Variants in SVOP observed in about 807,000 individuals in gnomAD.
SVOP encodes the protein synaptic vesicle 2-related protein.
A neutral mutation model predicts 69.1 loss-of-function variants in SVOP; 17 were observed. The observed-to-expected ratio is 0.25, with a 90% confidence interval of 0.17 to 0.37. SVOP has a LOEUF of 0.37. Ranked by LOEUF, SVOP falls within the 10% of genes least tolerant of loss-of-function variation. The pLI is 1.00. For missense variants in SVOP, 435 were observed against 597.5 expected (o/e 0.73, Z 2.84); for synonymous variants, 238 against 238.6 (o/e 1.00, Z 0.02).
intron 12 of SVOP, among the ~76,000 whole-genome samples, chr12:108,920,424 C>T (rs1171003680): frequency 6.6e-6 from 1 of 152,070 alleles, no homozygotes; most frequent in Non-Finnish European, 1.5e-5. Context: ...CCTCATTTTC[C>T]CTTTAACTTG....
At chr12:109,008,332 A>G (rs2040321066) in intron 1 of SVOP, among the ~76,000 whole-genome samples, 1 of 152,226 alleles carries the variant, frequency 6.6e-6, no homozygotes, top group Admixed American at 6.5e-5. Context: ...TGGCAGCCAC[A>G]GAAGTCTGAA....
chr12:108,915,283 C>A (rs895425769), intron 15 of SVOP, among the ~76,000 whole-genome samples: 13 of 152,054 alleles, frequency 8.5e-5, no homozygotes, highest in African/African-American at 3.1e-4. Flanking sequence ...ATGACCCCAT[C>A]CCCAGGTAGT....
In SVOP at chr12:108,922,817, A is replaced by T. The variant is rs751570905; in HGVS notation, c.1049-20T>A. The T allele has an allele frequency of 6.5e-7, 1 of 1,531,566 alleles. No homozygotes were observed. Among genetic ancestry groups the T allele is most frequent in the Non-Finnish European group, 8.9e-7 (1 of 1,118,406 alleles). 94.9% of individuals were successfully genotyped at this position (1,531,566 alleles called of 1,614,324 possible). A position where few individuals can be genotyped will look rare whatever the true frequency, so the allele number is the denominator to read the frequency against. On this transcript the variant is annotated intron_variant, in intron 11 of 15. Transcript: ENST00000610966. Reference sequence around the variant, plus strand: ...TGGAGACTGGGGTTGGGAGAGAGAAAGAGAGGGGGAGACATATACAGAGTC... The same window carrying T: ...TGGAGACTGGGGTTGGGAGAGAGAATGAGAGGGGGAGACATATACAGAGTC...
intron 10 of SVOP, among the ~76,000 whole-genome samples, chr12:108,935,245 A>G (rs1450635372): frequency 1.3e-5 from 2 of 152,212 alleles, no homozygotes; most frequent in African/African-American, 2.4e-5. Context: ...TTCCTGGCTG[A>G]CCCAGAAATT....
intron 5 of SVOP, among the ~76,000 whole-genome samples, chr12:108,968,990 C>T (rs760056349): frequency 4.6e-5 from 7 of 152,052 alleles, no homozygotes; most frequent in African/African-American, 7.2e-5. Flanking sequence ...GATGGGGTTT[C>T]GCCATGTTGC....
At chr12:109,007,203 C>T (rs2040313803) in intron 1 of SVOP, among the ~76,000 whole-genome samples, 1 of 152,178 alleles carries the variant, frequency 6.6e-6, no homozygotes, top group Non-Finnish European at 1.5e-5. Flanking sequence ...AGCTTTGTCC[C>T]AGATACCCTG....
intron 1 of SVOP, among the ~76,000 whole-genome samples, chr12:109,016,810 A>G (rs2040370058): frequency 6.7e-6 from 1 of 149,046 alleles, no homozygotes; most frequent in Non-Finnish European, 1.5e-5. Context: ...TGTCATGATC[A>G]TGGCTCATTG....
intron 1 of SVOP, among the ~76,000 whole-genome samples, chr12:109,016,773 C>A (rs2040369921): frequency 6.8e-6 from 1 of 147,452 alleles, no homozygotes; most frequent in African/African-American, 2.5e-5. Flanking sequence ...GACAGGATCT[C>A]ACTCTGTCAC....
intron 12 of SVOP, among the ~76,000 whole-genome samples, chr12:108,922,239 T>A (rs1442168092): frequency 6.6e-6 from 1 of 152,196 alleles, no homozygotes; most frequent in Non-Finnish European, 1.5e-5. Context: ...AAAGATGATG[T>A]CTCCCTTAGG....
chr12:108,912,793 A>T, intron 15 of SVOP, 52 bp from the exon 16 acceptor site: 1 of 1,541,648 alleles, frequency 6.5e-7, no homozygotes, highest in South Asian at 1.2e-5. Context: ...AAGCACAGAC[A>T]TCGCCAACCA....
chr12:109,007,604 G>C lies in SVOP; in HGVS notation c.35+13230C>G, dbSNP rs113844255. Reference sequence around the variant, plus strand: ...CACTCTCATGAGAGGCACTGCAACAGAGGCAGGTGTCCCTGTGATTGGCTC... The same window carrying C: ...CACTCTCATGAGAGGCACTGCAACACAGGCAGGTGTCCCTGTGATTGGCTC... On this transcript the variant is annotated intron_variant, in intron 1 of 15. Coordinates refer to ENST00000610966, the MANE Select transcript of SVOP (RefSeq NM_018711.5). Among the ~76,000 whole-genome samples, 62 of 152,354 alleles carry C rather than the reference G, an allele frequency of 4.1e-4. 1 individual carries two copies. The highest frequency in any genetic ancestry group is 1.3e-3 in the African/African-American group (55 of 41,592).
At chr12:108,947,188 C>G (rs1479344616) in intron 6 of SVOP, among the ~76,000 whole-genome samples, 4 of 152,118 alleles carry the variant, frequency 2.6e-5, no homozygotes. Flanking sequence ...TGCCCCAGCC[C>G]TGGAGTCTGT....
At chr12:108,958,120 T>C (rs138564544) in intron 6 of SVOP, among the ~76,000 whole-genome samples, 83,539 of 151,938 alleles carry the variant, frequency 0.55, 24,699 homozygotes, top group South Asian at 0.68. Flanking sequence ...GAGTACTGCT[T>C]CGTGCAGAGC....
At chr12:108,968,744 T>TTGTGTGTGTGTGTGTGTG (rs554473073) in intron 5 of SVOP, among the ~76,000 whole-genome samples, 54 of 149,770 alleles carry the variant, frequency 3.6e-4, no homozygotes, top group African/African-American at 1.1e-3. Flanking sequence ...TGTTTGTCTT[T>TTGTGTGTGTGTGTGTGTG]TGTGTGTGTG....
Position 108,967,212 on chromosome 12 carries a change from G to A in SVOP, c.453+5193C>T, listed in dbSNP as rs140310905. Among the ~76,000 whole-genome samples the A allele has an allele frequency of 8.3e-3, 1,260 of 152,254 alleles. 12 individuals are homozygous for A. Among genetic ancestry groups the A allele is most frequent in the Non-Finnish European group, 0.013 (891 of 68,014 alleles). On this transcript the variant is annotated intron_variant, in intron 5 of 15. Transcript: ENST00000610966. ...GCTTCTTAGGTAAATATTGAAATGA[G>A]GGCTGAGGCCAGGCATGGTGGCTCA...
intron 1 of SVOP, among the ~76,000 whole-genome samples, chr12:109,010,837 C>A (rs750120174): frequency 6.6e-6 from 1 of 151,982 alleles, no homozygotes; most frequent in Non-Finnish European, 1.5e-5. Context: ...AACATACATT[C>A]TTCAGAGGTG....
At position 108,912,024 on chromosome 12, in the gene SVOP, G is replaced by T; in HGVS notation, c.*511C>A. On this transcript the variant is annotated 3_prime_UTR_variant, in exon 16 of 16. Coordinates refer to ENST00000610966, the MANE Select transcript of SVOP (RefSeq NM_018711.5). ...AGGCTCTAGGGAGGCAAACCGGGGG[G>T]CCCCTGCCAGGAAATAGCTGCTCAG... The T allele has an allele frequency of 3.0e-6, 1 of 331,664 alleles. No homozygotes were observed. Among genetic ancestry groups the T allele is most frequent in the Non-Finnish European group, 4.3e-6 (1 of 231,686 alleles). 20.5% of individuals were successfully genotyped at this position (331,664 alleles called of 1,614,324 possible).
intron 11 of SVOP, among the ~76,000 whole-genome samples, chr12:108,930,624 G>A (rs2039811616): frequency 6.6e-6 from 1 of 152,098 alleles, no homozygotes; most frequent in Admixed American, 6.6e-5. Context: ...TAGTAGAGAT[G>A]GGGTTTCGCC....
chr12:108,981,436 G>A (rs2040134697), intron 2 of SVOP, among the ~76,000 whole-genome samples: 2 of 152,250 alleles, frequency 1.3e-5, no homozygotes, highest in South Asian at 4.1e-4. Context: ...CTTAGATTTG[G>A]AATCTGAGGC....
Sources: gnomAD v4.1 joint callset for allele counts (sites outside exome capture counted in the v4.1 genomes callset) on GRCh38, gnomAD v4.1.1 for gene constraint, MANE v1.5 for transcripts, NCBI Gene and HGNC (gene_info 2026-07-23, HGNC 2026-07-21) for gene names.